The following PPARD variants were observed in gnomAD, a reference collection of about 807,000 sequenced individuals.
The protein encoded by PPARD is peroxisome proliferator-activated receptor delta.
In PPARD, 6 loss-of-function variants were observed where a neutral mutation model predicts 39.5. The ratio of observed to expected loss-of-function variants is 0.15; its 90% confidence interval spans 0.08 to 0.30. PPARD has a LOEUF of 0.30. PPARD is among the 10% of genes least tolerant of loss of function. The pLI, the probability that PPARD is intolerant of heterozygous loss-of-function variation, is 1.00. For missense variants in PPARD, 397 were observed against 596.8 expected (o/e 0.67, Z 3.49); for synonymous variants, 210 against 231.3 (o/e 0.91, Z 0.83).
chr6:35,347,526 G>A (rs1018723080), intron 2 of PPARD, among the ~76,000 whole-genome samples: 3 of 151,916 alleles, frequency 2.0e-5, no homozygotes, highest in Non-Finnish European at 4.4e-5. Context: ...GCCTATATGG[G>A]TACCTAGGGT....
chr6:35,379,036 A>T (rs1204323662), intron 2 of PPARD, among the ~76,000 whole-genome samples: 2 of 152,078 alleles, frequency 1.3e-5, no homozygotes, highest in South Asian at 4.1e-4. Flanking sequence ...GAATTTCAGG[A>T]ATCAGCTTGA....
rs142126159 is a variant in PPARD at position 35,364,363 on chromosome 6, A to G, written c.-102+17213A>G. On this transcript the variant is annotated intron_variant, in intron 2 of 7. Coordinates refer to ENST00000360694, the MANE Select transcript of PPARD (RefSeq NM_006238.5). The stretch of plus-strand genomic sequence containing the variant: ...TTCATGTACAAGCTTTTGTGTGGAC[A>G]TATGCTTTAGGTTCTCTTGGGAATA... Among the ~76,000 whole-genome samples, 6 of 151,612 alleles carry G rather than the reference A, an allele frequency of 4.0e-5. No individual in the cohort carries two copies. The East Asian group carries it at 5.8e-4, about 15-fold the overall frequency.
chr6:35,374,308 T>TGGCG (rs1762661611), intron 2 of PPARD, among the ~76,000 whole-genome samples: 1 of 126,124 alleles, frequency 7.9e-6, no homozygotes, highest in African/African-American at 4.5e-5. Flanking sequence ...TTCTCGGCGG[T>TGGCG]GGGGCGGGGG....
At chr6:35,372,766 C>G (rs574138773) in intron 2 of PPARD, among the ~76,000 whole-genome samples, 21 of 152,144 alleles carry the variant, frequency 1.4e-4, no homozygotes, top group Non-Finnish European at 2.9e-4. Context: ...GGAGTTAGAC[C>G]TGGGTTCAGA....
chr6:35,347,588 T>C (rs962576037), intron 2 of PPARD, among the ~76,000 whole-genome samples: 4 of 151,488 alleles, frequency 2.6e-5, no homozygotes, highest in South Asian at 2.1e-4. Flanking sequence ...GGGGCAAATA[T>C]ATATATATAT....
chr6:35,349,673 T>G lies in PPARD; in HGVS notation c.-102+2523T>G, dbSNP rs183152214. ...ACCACTGTGCCTGGCTAAGTTTTTTTTTTGTTTGTTTTTGTTTTTTTTTAA... is the reference window on the plus strand; with the variant it reads ...ACCACTGTGCCTGGCTAAGTTTTTTGTTTGTTTGTTTTTGTTTTTTTTTAA... On this transcript the variant is annotated intron_variant, in intron 2 of 7. Coordinates refer to ENST00000360694, the MANE Select transcript of PPARD (RefSeq NM_006238.5). Among the ~76,000 whole-genome samples, 30 of 150,946 alleles carry G rather than the reference T, an allele frequency of 2.0e-4. No individual in the cohort carries two copies. In the East Asian group the frequency reaches 2.3e-3, roughly 12 times the overall value.
chr6:35,385,999 C>T lies in PPARD; in HGVS notation c.-101-24988C>T, dbSNP rs185696680. Among the ~76,000 whole-genome samples, 50 of 152,128 alleles carry T rather than the reference C, an allele frequency of 3.3e-4. No individual in the cohort carries two copies. The South Asian group carries it at 8.7e-3, about 27-fold the overall frequency. ...AGTGCAAAGCCCCCAGAGGGAAGGG[C>T]GATCCTTATGAGGTTGGACTGTGAC... On this transcript the variant is annotated intron_variant, in intron 2 of 7. Coordinates refer to ENST00000360694, the MANE Select transcript of PPARD (RefSeq NM_006238.5).
intron 2 of PPARD, among the ~76,000 whole-genome samples, chr6:35,374,316 G>GGGGGGT (rs1762669568): frequency 6.7e-6 from 1 of 150,116 alleles, no homozygotes; most frequent in African/African-American, 2.5e-5. Context: ...GGTGGGGCGG[G>GGGGGGT]GGGGTTTAGT....
At chr6:35,374,308 T>TGGGGG (rs750412240) in intron 2 of PPARD, among the ~76,000 whole-genome samples, 39 of 125,988 alleles carry the variant, frequency 3.1e-4, no homozygotes, top group African/African-American at 9.8e-4. Flanking sequence ...TTCTCGGCGG[T>TGGGGG]GGGGCGGGGG....
At chr6:35,350,612 C>CTTTT (rs959545502) in intron 2 of PPARD, among the ~76,000 whole-genome samples, 22 of 104,550 alleles carry the variant, frequency 2.1e-4, no homozygotes, top group African/African-American at 2.9e-4. Flanking sequence ...GTCTATGTGT[C>CTTTT]TTTTTTTTTT....
chr6:35,424,540 C>T lies in PPARD; in HGVS notation c.839C>T (p.Thr280Ile). Residue 280 changes from threonine (T) to isoleucine (I), a missense_variant, in exon 7 of 8, where the codon ACC becomes ATC. Transcript: ENST00000360694. The surrounding 1 kb of genome is among the most constrained non-coding windows in gnomAD (Gnocchi z 7.1). The part of the protein sequence containing the change: ...FSSLFLNDQV[T>I]LLKYGVHEAI... ...AGCCTCTTCCTCAACGACCAGGTTA[C>T]CCTTCTCAAGTATGGCGTGCACGAG... 1.2e-6 allele frequency: 2 copies of T among 1,614,274 alleles called. No individual in the cohort carries two copies. The highest frequency in any genetic ancestry group is 1.7e-6 in the Non-Finnish European group (2 of 1,180,056).
At chr6:35,353,414 TGGAA>T (rs1761378702) in intron 2 of PPARD, among the ~76,000 whole-genome samples, 1 of 152,080 alleles carries the variant, frequency 6.6e-6, no homozygotes. Context: ...AGAGCCAGGG[TGGAA>T]TAACCCATCC....
intron 3 of PPARD, 63 bp from the exon 4 acceptor site, chr6:35,420,064 T>C (rs1581668501): frequency 6.4e-7 from 1 of 1,574,632 alleles, no homozygotes. Flanking sequence ...GTGGGGCTGT[T>C]CCCACGCCCT....
intron 2 of PPARD, among the ~76,000 whole-genome samples, chr6:35,354,201 C>T (rs112706550): frequency 0.066 from 8,651 of 130,696 alleles, 385 homozygotes; most frequent in East Asian, 0.26. Context: ...CACTGCATTC[C>T]AGCCTGGGCG....
intron 2 of PPARD, chr6:35,397,410 A>G: frequency 2.5e-6 from 1 of 407,698 alleles, no homozygotes. Flanking sequence ...AACTAGCCAG[A>G]CGCTGCTAGG....
intron 1 of PPARD, among the ~76,000 whole-genome samples, chr6:35,344,354 G>A (rs1267739332): frequency 6.6e-6 from 1 of 151,984 alleles, no homozygotes; most frequent in Non-Finnish European, 1.5e-5. Flanking sequence ...CTGTGGGGCT[G>A]CAGTAGTTAG....
rs1032272499 is a variant in PPARD at position 35,421,898 on chromosome 6, C to T, written c.364C>T (p.Arg122Cys). The T allele has an allele frequency of 2.5e-6, 4 of 1,613,972 alleles. No homozygotes were observed. Among genetic ancestry groups the T allele is most frequent in the Non-Finnish European group, 3.4e-6 (4 of 1,179,924 alleles). The change falls in exon 5 of 8, where the codon CGC becomes TGC. Residue 122 changes from arginine (R) to cysteine (C), a missense_variant. Coordinates refer to ENST00000360694, the MANE Select transcript of PPARD (RefSeq NM_006238.5). ...CAGCTGCAAGATTCAGAAGAAGAAC[C>T]GCAACAAGTGCCAGTACTGCCGCTT... ...ERSCKIQKKN[R>C]NKCQYCRFQK...
chr6:35,351,358 G>C (rs894450743), intron 2 of PPARD, among the ~76,000 whole-genome samples: 1 of 152,136 alleles, frequency 6.6e-6, no homozygotes, highest in African/African-American at 2.4e-5. Context: ...AAGACCCCAA[G>C]GGCTTATGTT....
intron 2 of PPARD, among the ~76,000 whole-genome samples, chr6:35,351,044 G>A (rs1761216265): frequency 6.6e-6 from 1 of 151,884 alleles, no homozygotes; most frequent in Non-Finnish European, 1.5e-5. Flanking sequence ...TTTGTTTTTT[G>A]AGACGGAGTC....
Sources: gnomAD v4.1 joint callset for allele counts (sites outside exome capture counted in the v4.1 genomes callset) on GRCh38, gnomAD v4.1.1 for gene constraint, Gnocchi (gnomAD v3.1) non-coding constraint, MANE v1.5 for transcripts, NCBI Gene and HGNC (gene_info 2026-07-23, HGNC 2026-07-21) for gene names.